PSAP: variants seen among roughly 807,000 people sequenced by gnomAD.
PSAP encodes the protein prosaposin.
In PSAP, 25 loss-of-function variants were observed where a neutral mutation model predicts 66.0. The observed-to-expected ratio is 0.38, with a 90% CI of 0.28 to 0.53. The LOEUF is 0.53. Ranked by LOEUF, PSAP falls within the 20% of genes least tolerant of loss-of-function variation. PSAP has a pLI of 0.83. For synonymous variants in PSAP, 273 were observed against 258.9 expected, an observed-to-expected ratio of 1.05 and a Z score of -0.52; for missense variants, 649 against 668.8, an observed-to-expected ratio of 0.97 and a Z score of 0.33.
intron 1 of PSAP, among the ~76,000 whole-genome samples, chr10:71,848,008 C>T (rs534213641): frequency 1.3e-5 from 2 of 152,228 alleles, no homozygotes; most frequent in Non-Finnish European, 2.9e-5. Flanking sequence ...CAGGGAGCAC[C>T]TGCCACATCC....
chr10:71,824,116 A>G (rs907172143), intron 7 of PSAP, among the ~76,000 whole-genome samples: 1 of 152,156 alleles, frequency 6.6e-6, no homozygotes, highest in African/African-American at 2.4e-5. Flanking sequence ...CCCTGCAGGG[A>G]TAGACCATTT....
At chr10:71,833,047 G>GAA (rs1842552482) in intron 2 of PSAP, among the ~76,000 whole-genome samples, 1 of 101,354 alleles carries the variant, frequency 9.9e-6, no homozygotes. Flanking sequence ...AACAAAAACA[G>GAA]AAGGCCGGGC....
intron 7 of PSAP, 81 bp downstream of exon 7, chr10:71,825,756 A>G (rs1214376804): frequency 5.2e-6 from 7 of 1,350,922 alleles, no homozygotes; most frequent in South Asian, 3.5e-5. Context: ...AAACTAAACC[A>G]TATAATTTTC....
chr10:71,823,026 C>T (rs1033044461), intron 7 of PSAP, among the ~76,000 whole-genome samples: 5 of 150,712 alleles, frequency 3.3e-5, no homozygotes, highest in Admixed American at 6.6e-5. Context: ...AAAAAAAAGA[C>T]GCCAATATTC....
At chr10:71,821,133 T>A (rs1170647631) in intron 8 of PSAP, among the ~76,000 whole-genome samples, 1 of 152,202 alleles carries the variant, frequency 6.6e-6, no homozygotes, top group East Asian at 1.9e-4. Flanking sequence ...CAGCTGACAC[T>A]TCGGCCTGGC....
At chr10:71,829,437 T>C (rs971107313) in intron 4 of PSAP, among the ~76,000 whole-genome samples, 2 of 152,098 alleles carry the variant, frequency 1.3e-5, no homozygotes, top group Non-Finnish European at 2.9e-5. Context: ...TGTTTAGTGA[T>C]AGTAAGTCTC....
intron 8 of PSAP, 40 bp downstream of exon 8, chr10:71,821,836 T>C (rs372647986): frequency 2.5e-5 from 40 of 1,613,648 alleles, no homozygotes; most frequent in African/African-American, 4.0e-5. Flanking sequence ...TAGTGTGGCA[T>C]TGCACAGCCC....
chr10:71,819,976 A>C, intron 9 of PSAP, 76 bp from the exon 10 acceptor site: 20 of 1,275,242 alleles, frequency 1.6e-5, no homozygotes, highest in Non-Finnish European at 2.2e-5. Context: ...AAATACTAAC[A>C]TGGCCAGGAA....
At chr10:71,823,220 C>T (rs1005166255) in intron 7 of PSAP, among the ~76,000 whole-genome samples, 3 of 152,184 alleles carry the variant, frequency 2.0e-5, no homozygotes, top group African/African-American at 4.8e-5. Context: ...GTGTTCAGGA[C>T]GGCCCCGAAG....
At chr10:71,827,385 C>G (rs577367561) in intron 6 of PSAP, among the ~76,000 whole-genome samples, 1 of 132,142 alleles carries the variant, frequency 7.6e-6, no homozygotes, top group East Asian at 2.2e-4. Flanking sequence ...GGCGACAGAG[C>G]GAGACTCCGT....
At position 71,817,453 on chromosome 10, in the gene PSAP, A is replaced by G. The variant is rs747142225; in HGVS notation, c.1563T>C (p.His521=). Residue 521 remains histidine, a synonymous_variant, in exon 14 of 14, where the codon CAT becomes CAC. Transcript: ENST00000394936. ...QCNAVEHCKR[H]VWN is the part of the protein sequence containing the mutation. ...AATATTCCTCCTCCTAGTTCCACAC[A>G]TGGCGTTTGCAATGCTCGACAGCCT... 3.1e-6 allele frequency: 5 copies of G among 1,614,192 alleles called. No individual in the cohort carries two copies. The highest frequency in any genetic ancestry group is 2.2e-5 in the East Asian group (1 of 44,892).
chr10:71,832,205 CACA>C (rs1842534287), intron 2 of PSAP, among the ~76,000 whole-genome samples: 1 of 152,178 alleles, frequency 6.6e-6, no homozygotes, highest in South Asian at 2.1e-4. Flanking sequence ...CATCAATGCT[CACA>C]ACACCTCTGA....
rs80301144 is a variant in PSAP at position 71,836,697 on chromosome 10, G to A, written c.41-2192C>T. 2.7e-3 allele frequency among the ~76,000 whole-genome samples: 415 copies of A among 152,224 alleles called. 1 individual carries two copies. Among genetic ancestry groups the A allele is most frequent in the Non-Finnish European group, 4.1e-3 (276 of 68,010 alleles). ...GCAGGGGCAAGTGACCAGCACCCCC[G>A]ATTCTTAAAAATGCTCATCCAGTGT... On this transcript the variant is annotated intron_variant, in intron 1 of 13. Transcript: ENST00000394936.
chr10:71,816,526 C>CAGGAAGCCAGAGGCCT lies in PSAP; in HGVS notation c.*899_*914dup, dbSNP rs1473983792. 3 of 457,318 alleles carry CAGGAAGCCAGAGGCCT rather than the reference C, an allele frequency of 6.6e-6. No individual in the cohort carries two copies. Among genetic ancestry groups the CAGGAAGCCAGAGGCCT allele is most frequent in the Non-Finnish European group, 9.3e-6 (2 of 215,490 alleles). The allele number at this position is 457,318 out of a possible 1,614,324, so 28.3% of individuals were successfully genotyped here. On this transcript the variant is annotated 3_prime_UTR_variant, in exon 14 of 14. Transcript: ENST00000394936. ...GACCCTTCGGCATGCCGCCCTCTAC[C>CAGGAAGCCAGAGGCCT]AGGAAGCCAGAGGCCTAGGAGCTCG...
At chr10:71,819,422 G>A (rs1181060014) in intron 11 of PSAP, 43 bp downstream of exon 11, 14 of 1,610,946 alleles carry the variant, frequency 8.7e-6, no homozygotes, top group Non-Finnish European at 1.1e-5. Flanking sequence ...TACTTCATCA[G>A]GTTCTGCCAT....
Position 71,828,930 on chromosome 10 carries a change from T to C in PSAP, c.523A>G (p.Ile175Val). The C allele has an allele frequency of 6.2e-7, 1 of 1,614,066 alleles. No individual in the cohort carries two copies. The highest frequency in any genetic ancestry group is 8.5e-7 in the Non-Finnish European group (1 of 1,180,006). Reference sequence around the variant, plus strand: ...TCCTGAGGGTAGAGGAGGAGAGGGATGTTGGCCATGAAGGGGGCCACCACC... The same window carrying C: ...TCCTGAGGGTAGAGGAGGAGAGGGACGTTGGCCATGAAGGGGGCCACCACC... Reference protein sequence around the residue: ...TEVVAPFMANIPLLLYPQDGP... With the variant: ...TEVVAPFMANVPLLLYPQDGP... The change falls in exon 5 of 14, where the codon ATC becomes GTC. Residue 175 changes from isoleucine (I) to valine (V), a missense_variant. Coordinates refer to ENST00000394936, the MANE Select transcript of PSAP (RefSeq NM_002778.4).
chr10:71,818,985 C>G, intron 12 of PSAP, 46 bp downstream of exon 12: 7 of 1,552,674 alleles, frequency 4.5e-6, no homozygotes, highest in Non-Finnish European at 6.2e-6. Context: ...TGCAGCCCCC[C>G]AGGTTACAGC....
intron 1 of PSAP, among the ~76,000 whole-genome samples, chr10:71,845,991 G>A (rs971838552): frequency 2.0e-5 from 3 of 152,150 alleles, no homozygotes; most frequent in Non-Finnish European, 4.4e-5. Context: ...TGAAATTAAA[G>A]ACGCCAAAGG....
At chr10:71,846,678 G>A (rs1422518046) in intron 1 of PSAP, among the ~76,000 whole-genome samples, 1 of 146,510 alleles carries the variant, frequency 6.8e-6, no homozygotes, top group Non-Finnish European at 1.5e-5. Context: ...GTTGCAGTGA[G>A]CTGAGATGGT....
Sources: gnomAD v4.1 joint callset for allele counts (sites outside exome capture counted in the v4.1 genomes callset) on GRCh38, gnomAD v4.1.1 for gene constraint, MANE v1.5 for transcripts, NCBI Gene and HGNC (gene_info 2026-07-23, HGNC 2026-07-21) for gene names.